Variants in ANKRD11 observed in about 807,000 individuals in gnomAD.
ANKRD11 encodes the protein ankyrin repeat domain-containing protein 11.
A neutral mutation model predicts 195.7 loss-of-function variants in ANKRD11; 17 were observed. That is an observed-to-expected ratio of 0.09 (90% CI 0.06 to 0.13). The LOEUF (loss-of-function observed/expected upper bound fraction) is 0.13. ANKRD11 is among the 10% of genes least tolerant of loss of function. The pLI is 1.00. For synonymous variants in ANKRD11, 1,953 were observed against 1,528.1 expected (o/e 1.28, Z -6.49); for missense variants, 3,735 against 3,566.1 (o/e 1.05, Z -1.21).
intron 2 of ANKRD11, among the ~76,000 whole-genome samples, chr16:89,407,368 G>C (rs1449142180): frequency 6.6e-6 from 1 of 152,046 alleles, no homozygotes; most frequent in Non-Finnish European, 1.5e-5. Context: ...TTTAAAGAAA[G>C]AGACAACGAG....
intron 1 of ANKRD11, among the ~76,000 whole-genome samples, chr16:89,429,076 C>G (rs1362871999): frequency 6.6e-6 from 1 of 152,062 alleles, no homozygotes; most frequent in South Asian, 2.1e-4. Flanking sequence ...CAGCAACGTC[C>G]CTGCAGCGTG....
At chr16:89,276,450 G>C (rs2033658067) in intron 9 of ANKRD11, among the ~76,000 whole-genome samples, 1 of 152,216 alleles carries the variant, frequency 6.6e-6, no homozygotes, top group African/African-American at 2.4e-5. Context: ...GGACGGGCCT[G>C]ACCAGGCCTC....
At chr16:89,418,004 G>A (rs149777484) in intron 2 of ANKRD11, among the ~76,000 whole-genome samples, 1 of 152,194 alleles carries the variant, frequency 6.6e-6, no homozygotes, top group Non-Finnish European at 1.5e-5. Flanking sequence ...AGGACAAGAG[G>A]AAATAAACTT....
intron 4 of ANKRD11, among the ~76,000 whole-genome samples, chr16:89,294,802 A>G (rs1191378607): frequency 6.6e-6 from 1 of 152,162 alleles, no homozygotes; most frequent in Admixed American, 6.5e-5. Flanking sequence ...CAGGCCTGGG[A>G]TGACCTGGAG....
intron 4 of ANKRD11, chr16:89,300,624 A>G (rs2035791415): frequency 4.1e-6 from 2 of 485,046 alleles, no homozygotes; most frequent in Non-Finnish European, 7.3e-6. Flanking sequence ...ACCAGTGGCT[A>G]AGTCTGTCTT....
Position 89,323,349 on chromosome 16 carries a change from A to G in ANKRD11, c.-59-6271T>C, listed in dbSNP as rs575408927. ...GCAATCCCAGGTATGGAAGAGAAGC[A>G]CCACTGGCCTCTCACCTCTCACCAT... On this transcript the variant is annotated intron_variant, in intron 2 of 12. Transcript: ENST00000301030. 1.3e-5 allele frequency: 17 copies of G among 1,288,228 alleles called. No homozygotes were observed. In the East Asian group the frequency reaches 8.3e-4, roughly 63 times the overall value. 79.8% of individuals were successfully genotyped at this position (1,288,228 alleles called of 1,614,324 possible). A position where few individuals can be genotyped will look rare whatever the true frequency, so the allele number is the denominator to read the frequency against.
intron 2 of ANKRD11, among the ~76,000 whole-genome samples, chr16:89,318,032 C>T (rs868446507): frequency 6.6e-6 from 1 of 152,202 alleles, no homozygotes; most frequent in Non-Finnish European, 1.5e-5. Flanking sequence ...TTTGCTCTGC[C>T]CCGTCCCTCT....
At chr16:89,271,063 A>C in intron 11 of ANKRD11, 154 bp from the exon 12 acceptor site, 1 of 727,664 alleles carries the variant, frequency 1.4e-6, no homozygotes, top group Non-Finnish European at 2.4e-6. Context: ...TGTTCAAGGC[A>C]TGGCAGGCGC....
rs1224948361 is a variant in ANKRD11, at chr16:89,279,033, G to A, written c.7470+39C>T. 3 of 1,611,602 alleles carry A rather than the reference G, an allele frequency of 1.9e-6. No homozygotes were observed. Among genetic ancestry groups the A allele is most frequent in the East Asian group, 2.2e-5 (1 of 44,770 alleles). ...GACTAGGGGCCCCAGACGCATCCCA[G>A]AGAGAGAAGGCAGTGGCTCTCCCGG... On this transcript the variant is annotated intron_variant, in intron 9 of 12. Transcript: ENST00000301030. The surrounding 1 kb of genome is among the most constrained non-coding windows in gnomAD (Gnocchi z 5.6).
chr16:89,291,817 G>T lies in ANKRD11; in HGVS notation c.227-634C>A. ...ACAGAGCACTAACAAGACACGGTGT[G>T]AGAGCTCGGCTGTTTCCACCTCAGC... is the stretch of plus-strand genomic sequence containing the variant. On this transcript the variant is annotated intron_variant, in intron 4 of 12. Coordinates refer to ENST00000301030, the MANE Select transcript of ANKRD11 (RefSeq NM_013275.6). The surrounding 1 kb of genome is among the most constrained non-coding windows in gnomAD (Gnocchi z 5.3). 9 of 1,262,042 alleles carry T rather than the reference G, an allele frequency of 7.1e-6. No homozygotes were observed. The highest frequency in any genetic ancestry group is 9.3e-6 in the Non-Finnish European group (9 of 963,984). The allele number at this position is 1,262,042 out of a possible 1,614,324, so 78.2% of individuals were successfully genotyped here. A position where few individuals can be genotyped will look rare whatever the true frequency, so the allele number is the denominator to read the frequency against.
At chr16:89,454,627 TTCCTCAAGCTGCTCCCCTGGGTGCTTCC>T in intron 1 of ANKRD11, among the ~76,000 whole-genome samples, 4 of 151,078 alleles carry the variant, frequency 2.6e-5, no homozygotes, top group Non-Finnish European at 4.4e-5. Context: ...GCTTCCAGGG[TTCCTCAAGCTGCTCCCCTGGGTGCTTCC>T]AGGGTTCCTC....
chr16:89,442,826 T>A (rs2043583580), intron 1 of ANKRD11, among the ~76,000 whole-genome samples: 1 of 152,246 alleles, frequency 6.6e-6, no homozygotes, highest in African/African-American at 2.4e-5. Flanking sequence ...CTGGTGAGCC[T>A]CCGGCGCTCC....
chr16:89,453,741 T>G (rs2056297754), intron 1 of ANKRD11, among the ~76,000 whole-genome samples: 1 of 152,172 alleles, frequency 6.6e-6, no homozygotes, highest in South Asian at 2.1e-4. Context: ...AGAGACCGGA[T>G]GCCACTGACC....
intron 7 of ANKRD11, chr16:89,287,222 GC>G (rs2034708946): frequency 1.5e-6 from 1 of 646,820 alleles, no homozygotes; most frequent in Admixed American, 3.3e-5. Context: ...CAGCGCAGGT[GC>G]GGCCCTCCTC....
chr16:89,280,422 T>C lies in ANKRD11; in HGVS notation c.6120A>G (p.Gly2040=). The C allele has an allele frequency of 2.5e-6, 4 of 1,572,414 alleles. No homozygotes were observed. Among genetic ancestry groups the C allele is most frequent in the Non-Finnish European group, 1.7e-6 (2 of 1,158,554 alleles). Residue 2040 remains glycine, a synonymous_variant, in exon 9 of 13, where the codon GGA becomes GGG. Coordinates refer to ENST00000301030, the MANE Select transcript of ANKRD11 (RefSeq NM_013275.6). Reference sequence around the variant, plus strand: ...AGATGGCGGCGGGGACGGCGTCCACTCCGTCCTTGACGTCCTCCAGCCCCG... The same window carrying C: ...AGATGGCGGCGGGGACGGCGTCCACCCCGTCCTTGACGTCCTCCAGCCCCG... ...AEPGLEDVKD[G]VDAVPAAIST... is the part of the protein sequence containing the mutation.
intron 1 of ANKRD11, among the ~76,000 whole-genome samples, chr16:89,444,459 G>A (rs918035786): frequency 2.6e-5 from 4 of 151,924 alleles, no homozygotes; most frequent in East Asian, 1.9e-4. Flanking sequence ...CGGGGCGGTC[G>A]GGGGGGTGGA....
intron 2 of ANKRD11, among the ~76,000 whole-genome samples, chr16:89,401,597 G>A (rs2041689396): frequency 6.6e-6 from 1 of 152,162 alleles, no homozygotes; most frequent in Non-Finnish European, 1.5e-5. Context: ...ATTTACTGGT[G>A]TTATGAGTTG....
At chr16:89,286,298 G>T in intron 7 of ANKRD11, 112 bp from the exon 8 acceptor site, 2 of 1,459,412 alleles carry the variant, frequency 1.4e-6, no homozygotes, top group Non-Finnish European at 1.9e-6. Flanking sequence ...CCCGAGAGCA[G>T]CCCCTCACGG....
At chr16:89,308,905 C>A (rs1390575404) in intron 3 of ANKRD11, among the ~76,000 whole-genome samples, 1 of 152,170 alleles carries the variant, frequency 6.6e-6, no homozygotes, top group South Asian at 2.1e-4. Flanking sequence ...GTGCGCGCAG[C>A]CTCGTGGAGG....
Sources: gnomAD v4.1 joint callset for allele counts (sites outside exome capture counted in the v4.1 genomes callset) on GRCh38, gnomAD v4.1.1 for gene constraint, Gnocchi (gnomAD v3.1) non-coding constraint, MANE v1.5 for transcripts, NCBI Gene and HGNC (gene_info 2026-07-23, HGNC 2026-07-21) for gene names.